Variants in GRK2 observed in about 807,000 individuals in gnomAD.
GRK2 encodes adrenergic beta receptor kinase 1.
Under a neutral mutation model 97.8 loss-of-function variants are expected in GRK2, and 23 were observed. That is an observed-to-expected ratio of 0.24 (90% CI 0.17 to 0.33). GRK2 has a LOEUF of 0.33. Among genes scored for constraint, GRK2 ranks in the 10% least tolerant of loss-of-function variants. GRK2 has a pLI of 1.00. For synonymous variants in GRK2, 425 were observed against 381.7 expected, an observed-to-expected ratio of 1.11 and a Z score of -1.32; for missense variants, 633 against 956.9, an observed-to-expected ratio of 0.66 and a Z score of 4.47.
chr11:67,270,681 T>C (rs1859888044), intron 1 of GRK2, among the ~76,000 whole-genome samples: 1 of 152,226 alleles, frequency 6.6e-6, no homozygotes, highest in Non-Finnish European at 1.5e-5. Flanking sequence ...AGATGATCTT[T>C]CCTGCAGTCA....
Position 67,279,468 on chromosome 11 carries a change from C to T in GRK2, c.315C>T (p.Ser105=). The change falls in exon 4 of 21, where the codon AGC becomes AGT. Residue 105 remains serine (S), a synonymous_variant. Transcript: ENST00000308595. The stretch of plus-strand genomic sequence containing the variant: ...CGGAGGAGGAGCGTGTGGCCCGCAG[C>T]CGGGAGATCTTCGACTCATACATCA... The part of the protein sequence containing the change: ...LETEEERVAR[S]REIFDSYIMK... 1 of 1,613,264 alleles carries T rather than the reference C, an allele frequency of 6.2e-7. No individual in the cohort carries two copies. The highest frequency in any genetic ancestry group is 8.5e-7 in the Non-Finnish European group (1 of 1,180,012).
In GRK2 at chr11:67,281,004, C is replaced by T. The variant is rs1303337536; in HGVS notation, c.556-89C>T. 5.6e-6 allele frequency: 7 copies of T among 1,260,046 alleles called. No homozygotes were observed. The African/African-American group carries it at 8.9e-5, about 16-fold the overall frequency. 78.1% of individuals were successfully genotyped at this position (1,260,046 alleles called of 1,614,324 possible). A position where few individuals can be genotyped will look rare whatever the true frequency, so the allele number is the denominator to read the frequency against. ...CAGGACATGGGTATGGGGACCCTGG[C>T]ATGGGGCCAGCCCCTGCTGCCCAGG... is the stretch of plus-strand genomic sequence containing the variant. On this transcript the variant is annotated intron_variant, in intron 7 of 20. Coordinates refer to ENST00000308595, the MANE Select transcript of GRK2 (RefSeq NM_001619.5). The surrounding 1 kb of genome is among the most constrained non-coding windows in gnomAD (Gnocchi z 5.7).
At position 67,285,129 on chromosome 11, in the gene GRK2, G is replaced by C; in HGVS notation, c.1846G>C (p.Glu616Gln). ...IQSVEETQIK[E>Q]RKCLLLKIRG... ...GTCGGTGGAGGAGACGCAGATCAAGGAGCGCAAGTGCCTGCTCCTCAAGAT... is the reference window on the plus strand; with the variant it reads ...GTCGGTGGAGGAGACGCAGATCAAGCAGCGCAAGTGCCTGCTCCTCAAGAT... Residue 616 changes from glutamate to glutamine, a missense_variant, in exon 20 of 21, where the codon GAG becomes CAG. Physicochemically the swap from Glu to Gln is conservative, Grantham distance 29. Coordinates refer to ENST00000308595, the MANE Select transcript of GRK2 (RefSeq NM_001619.5). 6.2e-7 allele frequency: 1 copy of C among 1,613,616 alleles called. No homozygotes were observed. The highest frequency in any genetic ancestry group is 8.5e-7 in the Non-Finnish European group (1 of 1,179,958).
intron 7 of GRK2, 110 bp downstream of exon 7, chr11:67,280,893 T>G (rs1444884996): frequency 7.4e-7 from 1 of 1,357,250 alleles, no homozygotes; most frequent in Non-Finnish European, 1.0e-6. Context: ...GTCTGTCCTT[T>G]AGCCCCCAGG....
At chr11:67,270,459 T>G (rs955621436) in intron 1 of GRK2, among the ~76,000 whole-genome samples, 2 of 152,076 alleles carry the variant, frequency 1.3e-5, no homozygotes, top group African/African-American at 4.8e-5. Flanking sequence ...CCTGCCCCTG[T>G]TCCTCCGCTG....
rs1860259710 is a variant in GRK2, at chr11:67,285,507, G to A, written c.*57G>A. The A allele has an allele frequency of 6.8e-7, 1 of 1,470,734 alleles. No individual in the cohort carries two copies. The allele number at this position is 1,470,734 out of a possible 1,614,324, so 91.1% of individuals were successfully genotyped here. A position where few individuals can be genotyped will look rare whatever the true frequency, so the allele number is the denominator to read the frequency against. On this transcript the variant is annotated 3_prime_UTR_variant, in exon 21 of 21. Transcript: ENST00000308595. ...TTATTTTGTCGAATTTTTATTATTT[G>A]TTTTCCCGCCAAGCGGAAAAGGTTT...
intron 1 of GRK2, among the ~76,000 whole-genome samples, chr11:67,271,842 A>T (rs1859914116): frequency 6.6e-6 from 1 of 152,110 alleles, no homozygotes; most frequent in African/African-American, 2.4e-5. Context: ...TCATTGAGAA[A>T]CATTAAGAAG....
In GRK2 at chr11:67,279,914, A is replaced by G. The variant is rs375408675; in HGVS notation, c.503+14A>G. On this transcript the variant is annotated intron_variant, in intron 6 of 20. Coordinates refer to ENST00000308595, the MANE Select transcript of GRK2 (RefSeq NM_001619.5). Reference sequence around the variant, plus strand: ...ATTCATTGAGAGGTGAGAGCAGGGAAGTGTGGGAGAGGAAGGGGGAGGGAG... The same window carrying G: ...ATTCATTGAGAGGTGAGAGCAGGGAGGTGTGGGAGAGGAAGGGGGAGGGAG... 26 of 1,612,672 alleles carry G rather than the reference A, an allele frequency of 1.6e-5. No homozygotes were observed. The highest frequency in any genetic ancestry group is 2.1e-5 in the Non-Finnish European group (25 of 1,179,082).
intron 1 of GRK2, among the ~76,000 whole-genome samples, chr11:67,273,088 G>C (rs1459961031): frequency 1.3e-5 from 2 of 152,250 alleles, no homozygotes; most frequent in African/African-American, 4.8e-5. Flanking sequence ...GTCCACCCAG[G>C]CTTTGTAAAT....
intron 5 of GRK2, 51 bp downstream of exon 5, chr11:67,279,751 G>A: frequency 1.9e-6 from 3 of 1,612,880 alleles, no homozygotes; most frequent in Non-Finnish European, 2.5e-6. Context: ...GACAGCCCCT[G>A]GTCAACAAGC....
chr11:67,273,608 G>A (rs1859958010), intron 1 of GRK2, among the ~76,000 whole-genome samples: 1 of 152,202 alleles, frequency 6.6e-6, no homozygotes, highest in African/African-American at 2.4e-5. Flanking sequence ...TTGCCACTTT[G>A]GGGGCCTTCC....
At chr11:67,284,705 T>A (rs780904270) in intron 18 of GRK2, 142 bp from the exon 19 acceptor site, 160 of 1,155,242 alleles carry the variant, frequency 1.4e-4, no homozygotes, top group Non-Finnish European at 1.9e-4. Flanking sequence ...GGGAGGATCG[T>A]TTGAACCTGG....
chr11:67,283,386 G>C (rs1354990354), intron 15 of GRK2, 158 bp downstream of exon 15: 1 of 677,798 alleles, frequency 1.5e-6, no homozygotes, highest in Non-Finnish European at 2.5e-6. Context: ...CAGAGTGGAG[G>C]GGCTGCCCTG....
At chr11:67,285,039 G>T in intron 19 of GRK2, 36 bp from the exon 20 acceptor site, 2 of 1,612,396 alleles carry the variant, frequency 1.2e-6, no homozygotes, top group East Asian at 2.2e-5. Context: ...TGGCCGGCCC[G>T]GCTCTTACCT....
intron 1 of GRK2, among the ~76,000 whole-genome samples, chr11:67,273,462 A>G (rs1253609879): frequency 6.6e-6 from 1 of 152,220 alleles, no homozygotes; most frequent in Non-Finnish European, 1.5e-5. Flanking sequence ...AAGGTGACCC[A>G]GTCCAGGAGG....
At chr11:67,275,080 C>T (rs1414596845) in intron 1 of GRK2, among the ~76,000 whole-genome samples, 2 of 152,216 alleles carry the variant, frequency 1.3e-5, no homozygotes, top group Non-Finnish European at 2.9e-5. Context: ...CGGCCCCTCC[C>T]AGCCTCTGAG....
chr11:67,275,252 G>GC (rs1353209880), intron 1 of GRK2, among the ~76,000 whole-genome samples: 1 of 152,180 alleles, frequency 6.6e-6, no homozygotes, highest in African/African-American at 2.4e-5. Context: ...GAAGGACAGT[G>GC]CCCAGTGGAA....
In GRK2 at chr11:67,281,326, GC is replaced by G; in HGVS notation, c.648-129del. ...GCTGTTACCCCCGCAGGCTCCTCTG[GC>G]CCCAGCCCTCCCTGTCTCTGATTTG... On this transcript the variant is annotated intron_variant, in intron 8 of 20. Coordinates refer to ENST00000308595, the MANE Select transcript of GRK2 (RefSeq NM_001619.5). This position sits in a 1 kb window ranked among gnomAD's most constrained non-coding sequence, Gnocchi z 5.7. The G allele has an allele frequency of 9.2e-7, 1 of 1,087,160 alleles. No individual in the cohort carries two copies. Among genetic ancestry groups the G allele is most frequent in the African/African-American group, 1.6e-5 (1 of 64,436 alleles). 67.3% of individuals were successfully genotyped at this position (1,087,160 alleles called of 1,614,324 possible). A position where few individuals can be genotyped will look rare whatever the true frequency, so the allele number is the denominator to read the frequency against.
intron 18 of GRK2, 163 bp downstream of exon 18, chr11:67,284,536 G>A: frequency 1.1e-6 from 1 of 876,278 alleles, no homozygotes; most frequent in Non-Finnish European, 1.7e-6. Flanking sequence ...TGTAATCCCA[G>A]CACTTTGGGA....
Sources: gnomAD v4.1 joint callset for allele counts (sites outside exome capture counted in the v4.1 genomes callset) on GRCh38, gnomAD v4.1.1 for gene constraint, Gnocchi (gnomAD v3.1) non-coding constraint, MANE v1.5 for transcripts, NCBI Gene and HGNC (gene_info 2026-07-23, HGNC 2026-07-21) for gene names.